The following RIMBP2 variants were observed in gnomAD, a reference collection of about 807,000 sequenced individuals.
RIMBP2 encodes RIMS-binding protein 2.
Under a neutral mutation model 118.6 loss-of-function variants are expected in RIMBP2, and 48 were observed. That is an observed-to-expected ratio of 0.40 (90% CI 0.32 to 0.51). RIMBP2 has a LOEUF of 0.51. RIMBP2 is among the 20% of genes least tolerant of loss of function. The probability of loss-of-function intolerance (pLI) is 0.41; values close to 1 mark genes in which losing one functional copy is unlikely to be tolerated. For missense variants in RIMBP2, 1,551 were observed against 1,768.3 expected, an observed-to-expected ratio of 0.88 and a Z score of 2.20; for synonymous variants, 762 against 742.9, an observed-to-expected ratio of 1.03 and a Z score of -0.42.
rs2292667 is a variant in RIMBP2, at chr12:130,438,672, G to A, written c.1505-156C>T. Among the ~76,000 whole-genome samples the A allele has an allele frequency of 2.8e-3, 425 of 150,330 alleles. 12 individuals carry two copies. In the East Asian group the frequency reaches 0.054, roughly 19 times the overall value. ...TGTTGAAAGCACATCAGAAACTGTG[G>A]TGAGGTGGGAGGGTGGGGCCGGGGT... is the stretch of plus-strand genomic sequence containing the variant. On this transcript the variant is annotated intron_variant, in intron 11 of 22. Transcript: ENST00000690449.
chr12:130,462,498 T>C lies in RIMBP2; in HGVS notation c.154-5798A>G, dbSNP rs796234578. On this transcript the variant is annotated intron_variant, in intron 6 of 22. Transcript: ENST00000690449. Reference sequence around the variant, plus strand: ...AAGGGATGGGAGAAACGGGCATTCGTTGGTTAAAGTGAAGATATGTCACCC... The same window carrying C: ...AAGGGATGGGAGAAACGGGCATTCGCTGGTTAAAGTGAAGATATGTCACCC... Among the ~76,000 whole-genome samples, 43 of 152,090 alleles carry C rather than the reference T, an allele frequency of 2.8e-4. 1 individual carries two copies. Among genetic ancestry groups the C allele is most frequent in the African/African-American group, 1.0e-3 (43 of 41,484 alleles).
intron 2 of RIMBP2, among the ~76,000 whole-genome samples, chr12:130,518,621 T>A (rs1471478010): frequency 5.3e-5 from 8 of 152,120 alleles, no homozygotes; most frequent in Admixed American, 5.2e-4. Context: ...GAAAACTCAT[T>A]TTTAGGCTCA....
rs1344786134 is a variant in RIMBP2 at position 130,450,836 on chromosome 12, A to C, written c.504+359T>G. ...ACCAGCCCCTTCCCATCAATGCCAC[A>C]GGACAGGACGCGCAGGGCCCTCCCC... On this transcript the variant is annotated intron_variant, in intron 8 of 22. Transcript: ENST00000690449. The surrounding 1 kb of genome is among the most constrained non-coding windows in gnomAD (Gnocchi z 4.8). 6.6e-6 allele frequency among the ~76,000 whole-genome samples: 1 copy of C among 151,924 alleles called. No individual in the cohort carries two copies. The highest frequency in any genetic ancestry group is 1.9e-4 in the East Asian group (1 of 5,144).
intron 2 of RIMBP2, among the ~76,000 whole-genome samples, chr12:130,583,879 C>A (rs573262631): frequency 1.3e-5 from 2 of 149,040 alleles, no homozygotes; most frequent in Non-Finnish European, 3.0e-5. Context: ...ATGACCATCA[C>A]CACCATCACC....
intron 2 of RIMBP2, among the ~76,000 whole-genome samples, chr12:130,536,467 C>CTTTATTCGCATCAAAAAA (rs1303189387): frequency 6.6e-6 from 1 of 152,142 alleles, no homozygotes; most frequent in Non-Finnish European, 1.5e-5. Context: ...CTTTAGAATC[C>CTTTATTCGCATCAAAAAA]TTTATTCGCA....
intron 1 of RIMBP2, among the ~76,000 whole-genome samples, chr12:130,641,687 T>C (rs1461049351): frequency 1.3e-5 from 2 of 151,984 alleles, no homozygotes; most frequent in Non-Finnish European, 2.9e-5. Flanking sequence ...GTTCCTGGAG[T>C]CCTGGGGAAG....
At chr12:130,480,236 C>CACACACACACACA (rs57955292) in intron 4 of RIMBP2, among the ~76,000 whole-genome samples, 1 of 148,890 alleles carries the variant, frequency 6.7e-6, no homozygotes, top group Non-Finnish European at 1.5e-5. Context: ...CACACACACA[C>CACACACACACACA]CTGTGGTAAC....
intron 15 of RIMBP2, chr12:130,427,871 T>G: frequency 3.9e-6 from 1 of 257,532 alleles, no homozygotes; most frequent in Non-Finnish European, 7.3e-6. Flanking sequence ...CTTAAGGCTG[T>G]GGAGGGGGTT....
In RIMBP2 at chr12:130,422,698, G is replaced by T. The variant is rs925723805; in HGVS notation, c.3130-137C>A. On this transcript the variant is annotated intron_variant, in intron 16 of 22. Transcript: ENST00000690449. This position sits in a 1 kb window ranked among gnomAD's most constrained non-coding sequence, Gnocchi z 5.2. ...TTAGCTTTTAACTGAAAGGTTAGCT[G>T]AATGGCCTGGGAGAGAACAAAGCCG... 4.6e-6 allele frequency: 3 copies of T among 647,058 alleles called. No individual in the cohort carries two copies. The highest frequency in any genetic ancestry group is 2.5e-4 in the Middle Eastern group (1 of 3,948). The allele number at this position is 647,058 out of a possible 1,614,324, so 40.1% of individuals were successfully genotyped here.
chr12:130,591,196 TGTTG>T (rs2059234610), intron 2 of RIMBP2, among the ~76,000 whole-genome samples: 1 of 152,346 alleles, frequency 6.6e-6, no homozygotes, highest in Non-Finnish European at 1.5e-5. Context: ...ACAATGGACT[TGTTG>T]GTTCTGACAT....
intron 2 of RIMBP2, among the ~76,000 whole-genome samples, chr12:130,565,668 T>A (rs553106124): frequency 1.6e-4 from 25 of 152,224 alleles, no homozygotes; most frequent in Non-Finnish European, 2.4e-4. Flanking sequence ...CCACTCCTTG[T>A]CCCCTCTTTT....
chr12:130,445,327 T>C, intron 9 of RIMBP2, 58 bp from the exon 10 acceptor site: 1 of 1,260,994 alleles, frequency 7.9e-7, no homozygotes. Flanking sequence ...CCCGCACCCC[T>C]GTCCGTGCAG....
At chr12:130,421,618 G>T (rs1470134388) in intron 17 of RIMBP2, among the ~76,000 whole-genome samples, 1 of 152,038 alleles carries the variant, frequency 6.6e-6, no homozygotes. Flanking sequence ...TCCTCCTTGA[G>T]CCCTGTCATG....
chr12:130,603,662 G>A (rs1381776723), intron 2 of RIMBP2, among the ~76,000 whole-genome samples: 1 of 152,196 alleles, frequency 6.6e-6, no homozygotes, highest in African/African-American at 2.4e-5. Flanking sequence ...TACTTGCCAT[G>A]GTGGTGCCAT....
At chr12:130,439,508 GGTGGGTATGT>G (rs995535284) in intron 11 of RIMBP2, among the ~76,000 whole-genome samples, 2 of 138,696 alleles carry the variant, frequency 1.4e-5, no homozygotes, top group Admixed American at 7.1e-5. Flanking sequence ...CGTGTCTGTG[GGTGGGTATGT>G]GTGGGTGTGT....
intron 12 of RIMBP2, 30 bp downstream of exon 12, chr12:130,438,335 A>AGCCCCCCCCCC: frequency 2.3e-6 from 2 of 865,010 alleles, no homozygotes; most frequent in Non-Finnish European, 3.8e-6. Flanking sequence ...GGCCTAACAA[A>AGCCCCCCCCCC]CCCTCCCCAC....
At chr12:130,641,701 G>T (rs2062630269) in intron 1 of RIMBP2, among the ~76,000 whole-genome samples, 2 of 152,202 alleles carry the variant, frequency 1.3e-5, no homozygotes, top group African/African-American at 4.8e-5. Context: ...GGGGAAGGAA[G>T]AGGTGGCCGT....
intron 2 of RIMBP2, among the ~76,000 whole-genome samples, chr12:130,530,647 G>A (rs2053272402): frequency 6.6e-6 from 1 of 152,186 alleles, no homozygotes; most frequent in African/African-American, 2.4e-5. Context: ...CATGAAGGAT[G>A]TGCCTCCTAG....
At chr12:130,490,665 A>C (rs185960541) in intron 4 of RIMBP2, among the ~76,000 whole-genome samples, 28 of 152,338 alleles carry the variant, frequency 1.8e-4, no homozygotes, top group Admixed American at 1.4e-3. Context: ...ACAACATCTT[A>C]AGATAAAAGT....
Sources: gnomAD v4.1 joint callset for allele counts (sites outside exome capture counted in the v4.1 genomes callset) on GRCh38, gnomAD v4.1.1 for gene constraint, Gnocchi (gnomAD v3.1) non-coding constraint, MANE v1.5 for transcripts, NCBI Gene and HGNC (gene_info 2026-07-23, HGNC 2026-07-21) for gene names.